Variants in UGT3A1 observed in about 807,000 individuals in gnomAD.
UGT3A1 encodes the protein UDP glycosyltransferase family 3 member A1, also known as UDP-glycosyltransferase 3A1.
In UGT3A1, 40 loss-of-function variants were observed where a neutral mutation model predicts 37.6. The observed-to-expected ratio is 1.06, with a 90% CI of 0.83 to 1.38. The LOEUF (loss-of-function observed/expected upper bound fraction) is 1.38, where lower values mean the gene tolerates loss of function less well. Ranked by LOEUF, UGT3A1 falls within the 40% of genes most tolerant of loss-of-function variation. The pLI is 0.00. For synonymous variants in UGT3A1, 256 were observed against 232.3 expected (o/e 1.10, Z -0.93); for missense variants, 642 against 634.2 (o/e 1.01, Z -0.13).
chr5:35,997,897 C>T (rs1741133591), intron 1 of UGT3A1, among the ~76,000 whole-genome samples: 1 of 152,230 alleles, frequency 6.6e-6, no homozygotes, highest in African/African-American at 2.4e-5. Context: ...TTTACTGAGA[C>T]TTAAGTATTA....
intron 1 of UGT3A1, among the ~76,000 whole-genome samples, chr5:35,997,613 G>T (rs2111597047): frequency 6.6e-6 from 1 of 152,160 alleles, no homozygotes; most frequent in Middle Eastern, 3.4e-3. Context: ...TTTTAGTAGA[G>T]GCAAGGTTTC....
At chr5:35,956,893 A>T (rs905288198) in intron 5 of UGT3A1, among the ~76,000 whole-genome samples, 1 of 152,152 alleles carries the variant, frequency 6.6e-6, no homozygotes, top group South Asian at 2.1e-4. Flanking sequence ...TTCAGTGTCA[A>T]ATGTAGTAGG....
At chr5:35,981,762 A>C (rs1554074312) in intron 2 of UGT3A1, among the ~76,000 whole-genome samples, 1 of 152,262 alleles carries the variant, frequency 6.6e-6, no homozygotes, top group Non-Finnish European at 1.5e-5. Context: ...AAGTTTGCAT[A>C]AGTAAAGAGG....
Position 35,988,520 on chromosome 5 carries a change from C to T in UGT3A1, c.126G>A (p.Val42=). 1.2e-6 allele frequency: 2 copies of T among 1,613,286 alleles called. No homozygotes were observed. The highest frequency in any genetic ancestry group is 1.7e-6 in the Non-Finnish European group (2 of 1,179,640). ...GGSHYLLLDR[V]SQILQEHGHN... is the part of the protein sequence containing the mutation. Reference sequence around the variant, plus strand: ...GACCATGCTCTTGAAGAATCTGAGACACCCGGTCCAACAGTAGGTAATGGC... The same window carrying T: ...GACCATGCTCTTGAAGAATCTGAGATACCCGGTCCAACAGTAGGTAATGGC... The change falls in exon 2 of 7, where the codon GTG becomes GTA. Residue 42 remains valine, a synonymous_variant. Coordinates refer to ENST00000274278, the MANE Select transcript of UGT3A1 (RefSeq NM_152404.4).
chr5:35,988,613 G>A, intron 1 of UGT3A1, 62 bp from the exon 2 acceptor site: 1 of 1,246,894 alleles, frequency 8.0e-7, no homozygotes. Context: ...GACAATATGG[G>A]AGTAGGCAGG....
rs188813147 is a variant in UGT3A1 at position 35,983,903 on chromosome 5, T to A, written c.196+4547A>T. 1.4e-3 allele frequency among the ~76,000 whole-genome samples: 212 copies of A among 152,208 alleles called. 2 individuals carry two copies. The highest frequency in any genetic ancestry group is 5.2e-3 in the South Asian group (25 of 4,818). The stretch of plus-strand genomic sequence containing the variant: ...AAACTAGGTATAGAAGGAACATACC[T>A]CAAAATCATAAAGGCTATATATGAC... On this transcript the variant is annotated intron_variant, in intron 2 of 6. Transcript: ENST00000274278.
chr5:35,961,409 G>A (rs971034467), intron 4 of UGT3A1: 3 of 152,214 alleles, frequency 2.0e-5, no homozygotes, highest in Admixed American at 6.5e-5. Context: ...GTTTTATAAG[G>A]TTAAGTAGGC....
At chr5:35,981,183 A>G (rs1045001879) in intron 2 of UGT3A1, among the ~76,000 whole-genome samples, 3 of 152,194 alleles carry the variant, frequency 2.0e-5, no homozygotes, top group Admixed American at 6.5e-5. Context: ...AAAGAAAGAA[A>G]AAGAGGCCTT....
chr5:35,970,358 C>T (rs1739987173), intron 2 of UGT3A1, among the ~76,000 whole-genome samples: 2 of 150,962 alleles, frequency 1.3e-5, no homozygotes, highest in African/African-American at 4.9e-5. Context: ...CGCCACTGCA[C>T]TCCTGCCTAG....
intron 4 of UGT3A1, among the ~76,000 whole-genome samples, chr5:35,957,733 C>T (rs183709664): frequency 1.3e-3 from 197 of 152,216 alleles, no homozygotes; most frequent in Non-Finnish European, 2.8e-4. Flanking sequence ...TCACAGAAAA[C>T]GCTTTGATGA....
upstream of UGT3A1, among the ~76,000 whole-genome samples, chr5:35,993,409 A>G (rs6451249): frequency 0.023 from 3,568 of 152,012 alleles, 150 homozygotes; most frequent in African/African-American, 0.083. Context: ...GGTTGCAGTG[A>G]GCCAAGATCG....
At chr5:35,988,885 A>C (rs1267835191) in intron 1 of UGT3A1, among the ~76,000 whole-genome samples, 1 of 152,160 alleles carries the variant, frequency 6.6e-6, no homozygotes, top group East Asian at 1.9e-4. Context: ...TATGTGCTGC[A>C]TGTTACTTGG....
At chr5:35,968,266 TTTTG>T (rs1408103615) in intron 2 of UGT3A1, 133 bp from the exon 3 acceptor site, 13 of 621,822 alleles carry the variant, frequency 2.1e-5, no homozygotes, top group South Asian at 1.5e-4. Context: ...GTTGATTTGG[TTTTG>T]TTTTTCTTTT....
chr5:35,971,253 C>T (rs1482845976), intron 2 of UGT3A1, among the ~76,000 whole-genome samples: 1 of 152,106 alleles, frequency 6.6e-6, no homozygotes, highest in Non-Finnish European at 1.5e-5. Flanking sequence ...TTATTCAAGA[C>T]ATATTATATA....
chr5:35,965,643 C>A lies in UGT3A1; in HGVS notation c.586G>T (p.Asp196Tyr), dbSNP rs145626730. 221 of 1,614,140 alleles carry A rather than the reference C, an allele frequency of 1.4e-4. 1 individual carries two copies. In the African/African-American group the frequency reaches 2.9e-3, roughly 21 times the overall value. Residue 196 changes from aspartate to tyrosine, a missense_variant, in exon 4 of 7, where the codon GAC (aspartate) becomes TAC (tyrosine). Coordinates refer to ENST00000274278, the MANE Select transcript of UGT3A1 (RefSeq NM_152404.4). ...AAATTCTTCACTCGGCCCCAGAAGTCCATGTGATCAGTCAGCAAGGAAGGG... is the reference window on the plus strand; with the variant it reads ...AAATTCTTCACTCGGCCCCAGAAGTACATGTGATCAGTCAGCAAGGAAGGG... ...VFPSLLTDHM[D>Y]FWGRVKNFLM...
upstream of UGT3A1, among the ~76,000 whole-genome samples, chr5:35,995,511 C>T (rs1741074788): frequency 6.6e-6 from 1 of 152,182 alleles, no homozygotes; most frequent in African/African-American, 2.4e-5. Context: ...AATATGAGCT[C>T]ATTATCAGAA....
At chr5:35,973,248 T>A (rs773959195) in intron 2 of UGT3A1, among the ~76,000 whole-genome samples, 3 of 152,122 alleles carry the variant, frequency 2.0e-5, no homozygotes, top group Non-Finnish European at 4.4e-5. Context: ...ATTTTTAGAT[T>A]CAAAAATAGA....
chr5:35,971,049 T>C (rs1431241379), intron 2 of UGT3A1, among the ~76,000 whole-genome samples: 3 of 152,208 alleles, frequency 2.0e-5, no homozygotes, highest in Non-Finnish European at 4.4e-5. Flanking sequence ...AGTTTCCCTT[T>C]ATCTTTAAAA....
At chr5:35,983,861 A>T (rs183424842) in intron 2 of UGT3A1, among the ~76,000 whole-genome samples, 19 of 148,330 alleles carry the variant, frequency 1.3e-4, no homozygotes, top group African/African-American at 1.8e-4. Flanking sequence ...TTTATGATTT[A>T]AAAAAAAACC....
Sources: gnomAD v4.1 joint callset for allele counts (sites outside exome capture counted in the v4.1 genomes callset) on GRCh38, gnomAD v4.1.1 for gene constraint, MANE v1.5 for transcripts, NCBI Gene and HGNC (gene_info 2026-07-23, HGNC 2026-07-21) for gene names.